Variants in B4GALT1 observed in about 807,000 individuals in gnomAD.
The protein encoded by B4GALT1 is beta-1,4-galactosyltransferase 1.
In B4GALT1, 16 loss-of-function variants were observed where a neutral mutation model predicts 34.9. The observed-to-expected ratio is 0.46, with a 90% confidence interval of 0.31 to 0.70. The LOEUF (loss-of-function observed/expected upper bound fraction) is 0.70, where lower values mean the gene tolerates loss of function less well. B4GALT1 is among the 30% of genes least tolerant of loss of function. The probability of loss-of-function intolerance (pLI) is 0.05; values close to 1 mark genes in which losing one functional copy is unlikely to be tolerated. For missense variants in B4GALT1, 445 were observed against 530.5 expected (o/e 0.84, Z 1.58); for synonymous variants, 221 against 218.1 (o/e 1.01, Z -0.12).
At chr9:33,167,542 G>C (rs540974335), upstream of B4GALT1, among the ~76,000 whole-genome samples, 31 of 152,336 alleles carry the variant, frequency 2.0e-4, no homozygotes, top group East Asian at 4.8e-3. Context: ...CTGCAGCTCC[G>C]ACGCTTGGCC....
the B4GALT1 span, among the ~76,000 whole-genome samples, chr9:33,178,311 A>G: frequency 2.7e-3 from 405 of 152,294 alleles, 1 homozygote; most frequent in African/African-American, 9.4e-3. Flanking sequence ...TCTTCAGGCC[A>G]AGGCTCAGAA....
the B4GALT1 span, among the ~76,000 whole-genome samples, chr9:33,184,626 G>T: frequency 5.9e-5 from 9 of 152,204 alleles, no homozygotes; most frequent in Admixed American, 5.9e-4. Context: ...CTGTTAAAAT[G>T]CAGACTCTGT....
chr9:33,137,454 T>C (rs1434913433), intron 1 of B4GALT1, among the ~76,000 whole-genome samples: 1 of 152,102 alleles, frequency 6.6e-6, no homozygotes, highest in Non-Finnish European at 1.5e-5. Context: ...ACAGAGGCCT[T>C]GAAGCTCAGT....
Position 33,150,343 on chromosome 9 carries a change from C to G in B4GALT1, c.413-14919G>C, listed in dbSNP as rs963081736. ...AACATTTAGGGACTCCAAAGGATAT[C>G]CAGGAATTCTTTGTATTAGTCTAAC... is the stretch of plus-strand genomic sequence containing the variant. On this transcript the variant is annotated intron_variant, in intron 1 of 5. Transcript: ENST00000379731. Among the ~76,000 whole-genome samples, 24 of 147,344 alleles carry G rather than the reference C, an allele frequency of 1.6e-4. 1 individual carries two copies. Among genetic ancestry groups the G allele is most frequent in the Admixed American group, 1.2e-3 (18 of 14,768 alleles).
chr9:33,171,645 C>T (rs1240365673), upstream of B4GALT1, among the ~76,000 whole-genome samples: 1 of 152,078 alleles, frequency 6.6e-6, no homozygotes, highest in East Asian at 1.9e-4. Context: ...ACGTCAAACT[C>T]CTGGGCTCAA....
chr9:33,167,141 C>A lies in B4GALT1; in HGVS notation c.29G>T (p.Gly10Val). MRLREPLLS[G>V]SAAMPGASLQ... is the part of the protein sequence containing the mutation. ...GGACGCGCCTGGCATCGCGGCGCTGCCGCTCAGGAGCGGCTCCCGAAGCCT... is the reference window on the plus strand; with the variant it reads ...GGACGCGCCTGGCATCGCGGCGCTGACGCTCAGGAGCGGCTCCCGAAGCCT... Residue 10 changes from glycine to valine, a missense_variant, in exon 1 of 6, where the codon GGC (glycine) becomes GTC (valine). Coordinates refer to ENST00000379731, the MANE Select transcript of B4GALT1 (RefSeq NM_001497.4). 3 of 1,601,698 alleles carry A rather than the reference C, an allele frequency of 1.9e-6. No individual in the cohort carries two copies. In the East Asian group the frequency reaches 6.7e-5, roughly 36 times the overall value.
At chr9:33,128,362 A>G (rs1840143717) in intron 2 of B4GALT1, among the ~76,000 whole-genome samples, 1 of 152,206 alleles carries the variant, frequency 6.6e-6, no homozygotes, top group Non-Finnish European at 1.5e-5. Flanking sequence ...CACTGTTCCA[A>G]TGCAAAAACA....
At chr9:33,132,553 G>C (rs1242865040) in intron 2 of B4GALT1, among the ~76,000 whole-genome samples, 1 of 152,216 alleles carries the variant, frequency 6.6e-6, no homozygotes, top group Non-Finnish European at 1.5e-5. Flanking sequence ...CCCAGTGTTA[G>C]CCAGCACAGC....
intron 1 of B4GALT1, among the ~76,000 whole-genome samples, chr9:33,157,733 C>A (rs1425799206): frequency 6.6e-6 from 1 of 151,450 alleles, no homozygotes; most frequent in African/African-American, 2.4e-5. Context: ...AAAAAAAGGT[C>A]CTATAAAGCA....
chr9:33,117,152 C>T (rs533862289), intron 3 of B4GALT1, among the ~76,000 whole-genome samples: 2 of 152,164 alleles, frequency 1.3e-5, no homozygotes, highest in Non-Finnish European at 2.9e-5. Context: ...TCACAGCCCC[C>T]CTTCCACACC....
chr9:33,107,117 C>G (rs1242338593), downstream of B4GALT1, among the ~76,000 whole-genome samples: 2 of 152,180 alleles, frequency 1.3e-5, no homozygotes, highest in African/African-American at 4.8e-5. Context: ...TCCTCTGCAC[C>G]TGGGGTTCCT....
the B4GALT1 span, among the ~76,000 whole-genome samples, chr9:33,174,990 A>AATATATATATATATATATATATATAT: frequency 2.1e-4 from 1 of 4,838 alleles, no homozygotes. Context: ...AAAAAAAAAA[A>AATATATATATATATATATATATATAT]ATATATATAT....
intron 1 of B4GALT1, among the ~76,000 whole-genome samples, chr9:33,161,428 C>T (rs1374085262): frequency 6.6e-6 from 1 of 152,168 alleles, no homozygotes; most frequent in African/African-American, 2.4e-5. Context: ...TCAGCTCACC[C>T]GGCAATGGCC....
At chr9:33,135,495 TG>T in intron 1 of B4GALT1, 71 bp from the exon 2 acceptor site, 1 of 1,455,580 alleles carries the variant, frequency 6.9e-7, no homozygotes, top group Non-Finnish European at 9.5e-7. Context: ...CTGCATCAGA[TG>T]GCCAGGCTGC....
At chr9:33,162,165 C>G (rs1449466953) in intron 1 of B4GALT1, among the ~76,000 whole-genome samples, 4 of 152,206 alleles carry the variant, frequency 2.6e-5, no homozygotes, top group African/African-American at 9.7e-5. Flanking sequence ...TTAAAGATTA[C>G]TCAGCAGAAC....
At chr9:33,104,513 G>C (rs1839779229) in exon 3 of B4GALT1, 1 of 301,074 alleles carries the variant, frequency 3.3e-6, no homozygotes, top group Non-Finnish European at 6.5e-6. Context: ...CCACAGCCCA[G>C]ACTCCTTAGG....
chr9:33,137,031 G>A (rs1166959632), intron 1 of B4GALT1, among the ~76,000 whole-genome samples: 1 of 152,040 alleles, frequency 6.6e-6, no homozygotes, highest in African/African-American at 2.4e-5. Flanking sequence ...CCCTCCCTCC[G>A]TAGCTGACCC....
At chr9:33,126,968 G>T (rs1564040830) in intron 2 of B4GALT1, among the ~76,000 whole-genome samples, 1 of 152,024 alleles carries the variant, frequency 6.6e-6, no homozygotes, top group African/African-American at 2.4e-5. Context: ...TGTTTTGTTT[G>T]TTTGTTTTTT....
In B4GALT1 at chr9:33,112,583, C is replaced by A. The variant is rs1839879044; in HGVS notation, c.*871G>T. On this transcript the variant is annotated 3_prime_UTR_variant, in exon 6 of 6. Coordinates refer to ENST00000379731, the MANE Select transcript of B4GALT1 (RefSeq NM_001497.4). Reference sequence around the variant, plus strand: ...ACCCCTCCCCATATTTAAAACACCACAATAAAAATACATAGGAAATTCAAG... The same window carrying A: ...ACCCCTCCCCATATTTAAAACACCAAAATAAAAATACATAGGAAATTCAAG... 6.6e-6 allele frequency: 1 copy of A among 152,548 alleles called. No homozygotes were observed. The highest frequency in any genetic ancestry group is 2.4e-5 in the African/African-American group (1 of 41,404). 9.4% of individuals were successfully genotyped at this position (152,548 alleles called of 1,614,324 possible).
Sources: gnomAD v4.1 joint callset for allele counts (sites outside exome capture counted in the v4.1 genomes callset) on GRCh38, gnomAD v4.1.1 for gene constraint, MANE v1.5 for transcripts, NCBI Gene and HGNC (gene_info 2026-07-23, HGNC 2026-07-21) for gene names.